The following PLEKHD1 variants were observed in gnomAD, a reference collection of about 807,000 sequenced individuals.
PLEKHD1 encodes pleckstrin homology and coiled-coil domain containing D1, also known as pleckstrin homology domain-containing family D member 1.
Under a neutral mutation model 69.2 loss-of-function variants are expected in PLEKHD1, and 51 were observed. That is an observed-to-expected ratio of 0.74 (90% CI 0.59 to 0.93). The LOEUF (loss-of-function observed/expected upper bound fraction) is 0.93. PLEKHD1 is among the 40% of genes least tolerant of loss of function. PLEKHD1 has a pLI of 0.00. For missense variants in PLEKHD1, 584 were observed against 641.0 expected, an observed-to-expected ratio of 0.91 and a Z score of 0.96; for synonymous variants, 236 against 244.7, an observed-to-expected ratio of 0.96 and a Z score of 0.33.
At chr14:69,510,194 A>G (rs1406133592) in intron 6 of PLEKHD1, among the ~76,000 whole-genome samples, 1 of 152,182 alleles carries the variant, frequency 6.6e-6, no homozygotes, top group African/African-American at 2.4e-5. Flanking sequence ...TTGCCTCTCC[A>G]TGTAAACTTT....
intron 7 of PLEKHD1, among the ~76,000 whole-genome samples, chr14:69,522,742 C>T (rs1269451254): frequency 6.6e-6 from 1 of 152,114 alleles, no homozygotes; most frequent in African/African-American, 2.4e-5. Context: ...CATTTGCTGT[C>T]TTTCCTGCAT....
At chr14:69,520,272 C>T (rs1040205528) in intron 6 of PLEKHD1, among the ~76,000 whole-genome samples, 10 of 149,668 alleles carry the variant, frequency 6.7e-5, no homozygotes, top group African/African-American at 9.9e-5. Context: ...GGCCTCTAAA[C>T]GGCTCTGCCC....
At position 69,485,040 on chromosome 14, in the gene PLEKHD1, C is replaced by A. The variant is rs1320041328; in HGVS notation, c.75C>A (p.Ile25=). The A allele has an allele frequency of 6.4e-7, 1 of 1,551,326 alleles. No individual in the cohort carries two copies. The highest frequency in any genetic ancestry group is 8.7e-7 in the Non-Finnish European group (1 of 1,146,908). Reference sequence around the variant, plus strand: ...AGGCTGACTCGGACGCCCTGGATATCAGCACCAAAGTGCAGCTCTACGGCG... The same window carrying A: ...AGGCTGACTCGGACGCCCTGGATATAAGCACCAAAGTGCAGCTCTACGGCG... ...LEQADSDALD[I]STKVQLYGVL... The change falls in exon 1 of 13, where the codon ATC becomes ATA. Residue 25 remains isoleucine, a synonymous_variant. Coordinates refer to ENST00000322564, the MANE Select transcript of PLEKHD1 (RefSeq NM_001161498.2).
intron 12 of PLEKHD1, 30 bp downstream of exon 12, chr14:69,527,962 G>A (rs1337827138): frequency 6.4e-7 from 1 of 1,550,668 alleles, no homozygotes; most frequent in Non-Finnish European, 8.7e-7. Flanking sequence ...TGCCCTGGTG[G>A]GATGGTGACA....
chr14:69,526,243 C>T, intron 9 of PLEKHD1, 121 bp downstream of exon 9: 2 of 1,071,114 alleles, frequency 1.9e-6, no homozygotes, highest in Non-Finnish European at 1.3e-6. Flanking sequence ...CACTCACTTC[C>T]TTTTGCCTAG....
intron 6 of PLEKHD1, among the ~76,000 whole-genome samples, chr14:69,503,863 CAAAA>C (rs35831952): frequency 2.6e-5 from 1 of 39,138 alleles, no homozygotes; most frequent in Non-Finnish European, 5.4e-5. Flanking sequence ...GACTCCGTCT[CAAAA>C]AAAAAAAAAA....
At chr14:69,502,194 G>A (rs1315473945) in intron 5 of PLEKHD1, 1 of 191,010 alleles carries the variant, frequency 5.2e-6, no homozygotes, top group Non-Finnish European at 1.1e-5. Context: ...GACAATGTCT[G>A]TAAGTGCTTG....
intron 1 of PLEKHD1, 132 bp downstream of exon 1, chr14:69,485,246 A>G: frequency 1.8e-6 from 2 of 1,083,916 alleles, no homozygotes; most frequent in Non-Finnish European, 2.6e-6. Context: ...TTTTCACTCT[A>G]CACTGGCTCC....
chr14:69,493,339 G>C (rs556861665), intron 1 of PLEKHD1, among the ~76,000 whole-genome samples: 53 of 152,334 alleles, frequency 3.5e-4, no homozygotes, highest in African/African-American at 1.2e-3. Flanking sequence ...GTGAGAACTT[G>C]GGCTTTGTCA....
rs1462911419 is a variant in PLEKHD1 at position 69,530,086 on chromosome 14, C to G, written c.*1667C>G. Reference sequence around the variant, plus strand: ...GAAGTTCTGAGAGATAAACAGATGGCTTCGGGGCAAGTCCCAGCAAAAAGT... The same window carrying G: ...GAAGTTCTGAGAGATAAACAGATGGGTTCGGGGCAAGTCCCAGCAAAAAGT... On this transcript the variant is annotated 3_prime_UTR_variant, in exon 13 of 13. Transcript: ENST00000322564. 1.3e-5 allele frequency: 2 copies of G among 152,256 alleles called. No homozygotes were observed. The highest frequency in any genetic ancestry group is 2.9e-5 in the Non-Finnish European group (2 of 68,062). 9.4% of individuals were successfully genotyped at this position (152,256 alleles called of 1,614,324 possible). A position where few individuals can be genotyped will look rare whatever the true frequency, so the allele number is the denominator to read the frequency against.
rs187575135 is a variant in PLEKHD1 at position 69,490,958 on chromosome 14, C to T, written c.149+5844C>T. 9.5e-4 allele frequency among the ~76,000 whole-genome samples: 145 copies of T among 152,228 alleles called. 1 individual carries two copies. The highest frequency in any genetic ancestry group is 2.6e-3 in the Admixed American group (40 of 15,296). ...AGAGGGAGAAGCCAGGCTGGATGTT[C>T]GCCTTCCTGGAAAATGTAACTCATG... is the stretch of plus-strand genomic sequence containing the variant. On this transcript the variant is annotated intron_variant, in intron 1 of 12. Coordinates refer to ENST00000322564, the MANE Select transcript of PLEKHD1 (RefSeq NM_001161498.2).
intron 1 of PLEKHD1, among the ~76,000 whole-genome samples, chr14:69,495,363 T>C (rs1474966433): frequency 6.6e-6 from 1 of 152,168 alleles, no homozygotes; most frequent in Non-Finnish European, 1.5e-5. Context: ...ACTTTTGCAA[T>C]GTAAGCCAGG....
chr14:69,528,659 G>C lies in PLEKHD1; in HGVS notation c.*240G>C. The C allele has an allele frequency of 1.7e-6, 1 of 571,768 alleles. No homozygotes were observed. The allele number at this position is 571,768 out of a possible 1,614,324, so 35.4% of individuals were successfully genotyped here. ...CACCAGGGCCATGCAGGCCTGAGCT[G>C]GGTGCTGGTTGTCATGGTGAGGTGA... On this transcript the variant is annotated 3_prime_UTR_variant, in exon 13 of 13. Coordinates refer to ENST00000322564, the MANE Select transcript of PLEKHD1 (RefSeq NM_001161498.2).
chr14:69,492,214 C>T (rs946989082), intron 1 of PLEKHD1, among the ~76,000 whole-genome samples: 9 of 152,214 alleles, frequency 5.9e-5, no homozygotes, highest in Non-Finnish European at 1.0e-4. Flanking sequence ...TTTGAACACA[C>T]TATTCTTTGC....
chr14:69,506,891 CTT>C (rs1162412450), intron 6 of PLEKHD1, among the ~76,000 whole-genome samples: 1,356 of 77,990 alleles, frequency 0.017, 9 homozygotes, highest in Non-Finnish European at 0.021. Context: ...CTGGCAACTG[CTT>C]TTTTTTTTTT....
intron 7 of PLEKHD1, among the ~76,000 whole-genome samples, chr14:69,523,682 G>A (rs1883572897): frequency 6.6e-6 from 1 of 152,168 alleles, no homozygotes; most frequent in African/African-American, 2.4e-5. Flanking sequence ...TGATGCTTGT[G>A]GGCTTGAATA....
At chr14:69,473,465 A>G in the PLEKHD1 span, among the ~76,000 whole-genome samples, 617 of 152,132 alleles carry the variant, frequency 4.1e-3, 6 homozygotes, top group African/African-American at 0.014. Flanking sequence ...AGTTAGCAGT[A>G]TCAGAAAGGG....
chr14:69,521,591 C>T (rs1258334239), intron 6 of PLEKHD1, among the ~76,000 whole-genome samples: 2 of 152,180 alleles, frequency 1.3e-5, no homozygotes, highest in Admixed American at 6.5e-5. Context: ...GTGAAATGTG[C>T]CCCCCAATGC....
At chr14:69,526,608 C>T (rs575407080) in intron 9 of PLEKHD1, 89 bp from the exon 10 acceptor site, 21 of 1,396,888 alleles carry the variant, frequency 1.5e-5, no homozygotes, top group Non-Finnish European at 1.9e-5. Context: ...AAGGTTTCTC[C>T]AGCCCAGGTC....
Sources: gnomAD v4.1 joint callset for allele counts (sites outside exome capture counted in the v4.1 genomes callset) on GRCh38, gnomAD v4.1.1 for gene constraint, MANE v1.5 for transcripts, NCBI Gene and HGNC (gene_info 2026-07-23, HGNC 2026-07-21) for gene names.